The following GABRA5 variants were observed in gnomAD, a reference collection of about 807,000 sequenced individuals.
GABRA5 encodes the protein gamma-aminobutyric acid type A receptor subunit alpha5, also known as gamma-aminobutyric acid receptor subunit alpha-5.
A neutral mutation model predicts 47.3 loss-of-function variants in GABRA5; 18 were observed. The ratio of observed to expected loss-of-function variants is 0.38; its 90% CI spans 0.26 to 0.56. The LOEUF (loss-of-function observed/expected upper bound fraction) is 0.56, where lower values mean the gene tolerates loss of function less well. Among genes scored for constraint, GABRA5 ranks in the 20% least tolerant of loss-of-function variants. The probability of loss-of-function intolerance (pLI) is 0.71; values close to 1 mark genes in which losing one functional copy is unlikely to be tolerated. For synonymous variants in GABRA5, 237 were observed against 229.3 expected (o/e 1.03, Z -0.30); for missense variants, 365 against 599.3 (o/e 0.61, Z 4.08).
At chr15:26,888,792 G>C in intron 6 of GABRA5, among the ~76,000 whole-genome samples, 1 of 152,244 alleles carries the variant, frequency 6.6e-6, no homozygotes, top group Non-Finnish European at 1.5e-5. Flanking sequence ...CAACTTATGT[G>C]AGAACACACA....
intron 7 of GABRA5, among the ~76,000 whole-genome samples, chr15:26,917,487 T>C (rs957202771): frequency 1.3e-5 from 2 of 152,102 alleles, no homozygotes; most frequent in Non-Finnish European, 2.9e-5. Flanking sequence ...TATTGAGGAG[T>C]TTGGCATCTA....
intron 6 of GABRA5, among the ~76,000 whole-genome samples, chr15:26,884,009 A>C (rs1595398114): frequency 8.1e-6 from 1 of 123,678 alleles, no homozygotes; most frequent in Middle Eastern, 4.4e-3. Flanking sequence ...TCTACCAAAA[A>C]AAAAGAAACA....
At chr15:26,879,540 T>A (rs956257168) in intron 3 of GABRA5, among the ~76,000 whole-genome samples, 3 of 152,228 alleles carry the variant, frequency 2.0e-5, no homozygotes, top group Non-Finnish European at 4.4e-5. Context: ...TTCAAGTATA[T>A]GCATTTTTAT....
chr15:26,912,091 G>A (rs150856827), intron 6 of GABRA5, among the ~76,000 whole-genome samples: 1,909 of 152,230 alleles, frequency 0.013, 18 homozygotes, highest in Non-Finnish European at 0.02. Context: ...TGTGAGCCCC[G>A]CGTGTTCCTG....
intron 6 of GABRA5, among the ~76,000 whole-genome samples, chr15:26,904,529 C>T (rs763564827): frequency 4.6e-5 from 7 of 152,216 alleles, no homozygotes; most frequent in Non-Finnish European, 8.8e-5. Context: ...TAGGATACAG[C>T]ATTGAATCTG....
rs539954705 is a variant in GABRA5 at position 26,888,880 on chromosome 15, T to C, written c.497+5323T>C. On this transcript the variant is annotated intron_variant, in intron 6 of 10. Coordinates refer to ENST00000335625, the MANE Select transcript of GABRA5 (RefSeq NM_000810.4). ...AGCAAGTCCCCCCGGTAGGCTCTTG[T>C]GTGACTGCAACAGGCAAGGAGGGAG... 4.6e-5 allele frequency among the ~76,000 whole-genome samples: 7 copies of C among 152,252 alleles called. No homozygotes were observed. In the East Asian group the frequency reaches 1.4e-3, roughly 29 times the overall value.
chr15:26,867,331 GAGA>G lies in GABRA5; in HGVS notation c.-140+223_-140+225del. ...GCCAGCCGGGCGAGAGCAGGCGGAG[GAGA>G]AGGAGGATGCATCCTCACCGACGGC... On this transcript the variant is annotated intron_variant, in intron 1 of 10. Transcript: ENST00000335625. This position sits in a 1 kb window ranked among gnomAD's most constrained non-coding sequence, Gnocchi z 5.9. 6.6e-6 allele frequency: 1 copy of G among 151,918 alleles called. No individual in the cohort carries two copies. Among genetic ancestry groups the G allele is most frequent in the African/African-American group, 2.4e-5 (1 of 41,396 alleles). The allele number at this position is 151,918 out of a possible 1,614,324, so 9.4% of individuals were successfully genotyped here.
intron 4 of GABRA5, 109 bp downstream of exon 4, chr15:26,881,076 GC>G: frequency 1.6e-6 from 2 of 1,288,952 alleles, no homozygotes; most frequent in Non-Finnish European, 2.1e-6. Flanking sequence ...GAGCTTCCCT[GC>G]CAGGATTTTG....
At chr15:26,914,920 A>G (rs780595623) in intron 7 of GABRA5, 35 bp downstream of exon 7, 3 of 1,535,754 alleles carry the variant, frequency 2.0e-6, no homozygotes, top group African/African-American at 2.7e-5. Context: ...CCTTGGACAT[A>G]TACTTTGGGG....
chr15:26,942,723 G>A (rs1210081852), intron 9 of GABRA5, among the ~76,000 whole-genome samples: 3 of 152,148 alleles, frequency 2.0e-5, no homozygotes, highest in Admixed American at 2.0e-4. Context: ...CATTCTAAAG[G>A]GAAGGGACAA....
At chr15:26,881,463 C>T (rs957907285) in intron 4 of GABRA5, among the ~76,000 whole-genome samples, 15 of 152,124 alleles carry the variant, frequency 9.9e-5, no homozygotes, top group Non-Finnish European at 2.2e-4. Flanking sequence ...GGCCATAGTC[C>T]TAGTATTTAC....
Position 26,867,644 on chromosome 15 carries a change from C to G in GABRA5, c.-140+533C>G, listed in dbSNP as rs1595388057. ...GGCTCATCCCTGCCGGACGGGGCACCAGGGCGCGGTGACCGGTTGGGGGTG... is the reference window on the plus strand; with the variant it reads ...GGCTCATCCCTGCCGGACGGGGCACGAGGGCGCGGTGACCGGTTGGGGGTG... On this transcript the variant is annotated intron_variant, in intron 1 of 10. Transcript: ENST00000335625. The surrounding 1 kb of genome is among the most constrained non-coding windows in gnomAD (Gnocchi z 5.9). Among the ~76,000 whole-genome samples the G allele has an allele frequency of 6.6e-6, 1 of 152,022 alleles. No homozygotes were observed. The highest frequency in any genetic ancestry group is 1.5e-5 in the Non-Finnish European group (1 of 67,982).
At chr15:26,921,152 G>A (rs1173641604) in intron 7 of GABRA5, among the ~76,000 whole-genome samples, 2 of 152,018 alleles carry the variant, frequency 1.3e-5, no homozygotes, top group Non-Finnish European at 2.9e-5. Context: ...AAAGTGGGAA[G>A]TATTCCCACC....
intron 6 of GABRA5, among the ~76,000 whole-genome samples, chr15:26,910,071 T>G (rs891398401): frequency 1.6e-4 from 9 of 56,550 alleles, no homozygotes; most frequent in Non-Finnish European, 3.4e-4. Context: ...GAAATAAATG[T>G]TTTTTTTTCT....
chr15:26,908,721 A>G (rs1364588113), intron 6 of GABRA5, among the ~76,000 whole-genome samples: 2 of 152,194 alleles, frequency 1.3e-5, no homozygotes, highest in East Asian at 3.8e-4. Context: ...AGTCACGGGT[A>G]GCATCTTCAC....
chr15:26,890,630 C>A (rs1892983880), intron 6 of GABRA5, among the ~76,000 whole-genome samples: 1 of 152,230 alleles, frequency 6.6e-6, no homozygotes, highest in East Asian at 1.9e-4. Context: ...AAGACAGAGA[C>A]TTTGCACCAG....
rs763673742 is a variant in GABRA5 at position 26,948,521 on chromosome 15, G to A, written c.*288G>A. On this transcript the variant is annotated 3_prime_UTR_variant, in exon 11 of 11. Coordinates refer to ENST00000335625, the MANE Select transcript of GABRA5 (RefSeq NM_000810.4). ...CGTTGATAGTTTACAAACAAGATAC[G>A]TATATTTTTAACTGCTTCAAGTGTT... The A allele has an allele frequency of 3.0e-5, 10 of 336,942 alleles. No homozygotes were observed. The highest frequency in any genetic ancestry group is 1.8e-4 in the Admixed American group (4 of 22,854). The allele number at this position is 336,942 out of a possible 1,614,324, so 20.9% of individuals were successfully genotyped here.
At chr15:26,870,395 A>G (rs1595389783) in intron 3 of GABRA5, among the ~76,000 whole-genome samples, 1 of 152,144 alleles carries the variant, frequency 6.6e-6, no homozygotes, top group Non-Finnish European at 1.5e-5. Flanking sequence ...CAGCATTGGG[A>G]CTTTAGTCCA....
intron 3 of GABRA5, among the ~76,000 whole-genome samples, chr15:26,871,981 G>A (rs114350371): frequency 1.8e-4 from 27 of 152,094 alleles, no homozygotes; most frequent in Admixed American, 1.6e-3. Context: ...GACCCTGCGC[G>A]CCCAATTGCT....
Sources: allele counts gnomAD v4.1 joint callset (sites outside exome capture counted in the v4.1 genomes callset), GRCh38; gene constraint gnomAD v4.1.1; non-coding constraint Gnocchi (gnomAD v3.1); transcripts MANE v1.5; gene names NCBI Gene and HGNC (gene_info 2026-07-23, HGNC 2026-07-21).